Variants in SVEP1 observed in about 807,000 individuals in gnomAD.
SVEP1 encodes sushi, von Willebrand factor type A, EGF and pentraxin domain-containing protein 1.
In SVEP1, 164 loss-of-function variants were observed where a neutral mutation model predicts 367.3. That is an observed-to-expected ratio of 0.45 (90% CI 0.39 to 0.51). SVEP1 has a LOEUF of 0.51. SVEP1 is among the 20% of genes least tolerant of loss of function. SVEP1 has a pLI of 0.00. For missense variants in SVEP1, 4,117 were observed against 4,425.3 expected (o/e 0.93, Z 1.98); for synonymous variants, 1,666 against 1,611.6 (o/e 1.03, Z -0.81).
At chr9:110,432,151 G>A in intron 31 of SVEP1, 117 bp from the exon 32 acceptor site, 1 of 1,157,664 alleles carries the variant, frequency 8.6e-7, no homozygotes, top group Non-Finnish European at 1.2e-6. Context: ...TCATATATTT[G>A]TATAGAATTT....
chr9:110,418,854 T>A lies in SVEP1; in HGVS notation c.5976-7119A>T, dbSNP rs572932055. Among the ~76,000 whole-genome samples, 36 of 124,982 alleles carry A rather than the reference T, an allele frequency of 2.9e-4. 4 individuals carry two copies. The highest frequency in any genetic ancestry group is 6.9e-4 in the African/African-American group (24 of 34,848). 82.0% of individuals were successfully genotyped at this position (124,982 alleles called of 152,430 possible). On this transcript the variant is annotated intron_variant, in intron 36 of 47. Transcript: ENST00000374469. ...AGAATTTTCAACCCAGAATTTCGTA[T>A]CAGCCAAACTAAGCTTCATAAGTGA... is the stretch of plus-strand genomic sequence containing the variant.
chr9:110,377,721 G>A (rs1308586761), intron 44 of SVEP1, among the ~76,000 whole-genome samples: 4 of 151,726 alleles, frequency 2.6e-5, no homozygotes, highest in African/African-American at 9.7e-5. Context: ...TTTCTTTTTT[G>A]TGGTGAGAAC....
intron 9 of SVEP1, among the ~76,000 whole-genome samples, chr9:110,486,710 T>C (rs563814997): frequency 3.3e-5 from 5 of 150,048 alleles, no homozygotes; most frequent in African/African-American, 9.8e-5. Flanking sequence ...TGCAGTGGCA[T>C]GATCTTGGCT....
rs1224250600 is a variant in SVEP1 at position 110,443,626 on chromosome 9, C to T, written c.4558G>A (p.Ala1520Thr). The change falls in exon 27 of 48, where the codon GCC (alanine) becomes ACC (threonine). Residue 1520 changes from alanine to threonine, a missense_variant. Physicochemically the swap from Ala to Thr is moderately conservative, Grantham distance 58 (BLOSUM62 0). Coordinates refer to ENST00000374469, the MANE Select transcript of SVEP1 (RefSeq NM_153366.4). Reference sequence around the variant, plus strand: ...ATATAGACTTTCCAGATGCCATTGGCACTTGTCCAAGTGATTGCAATATGA... The same window carrying T: ...ATATAGACTTTCCAGATGCCATTGGTACTTGTCCAAGTGATTGCAATATGA... ...WHHIAITWTS[A>T]NGIWKVYIDG... 1 of 1,613,318 alleles carries T rather than the reference C, an allele frequency of 6.2e-7. No homozygotes were observed. The highest frequency in any genetic ancestry group is 1.7e-5 in the Admixed American group (1 of 59,894).
intron 15 of SVEP1, 118 bp from the exon 16 acceptor site, chr9:110,471,715 A>G (rs1829020617): frequency 2.8e-6 from 2 of 726,538 alleles, no homozygotes; most frequent in Non-Finnish European, 4.4e-6. Flanking sequence ...TAAGTGGTCT[A>G]TAGAAAAAAA....
rs1298275791 is a variant in SVEP1, at chr9:110,546,145, A to G, written c.934T>C (p.Tyr312His). Residue 312 changes from tyrosine (Y) to histidine (H), a missense_variant, in exon 3 of 48, where the codon TAC becomes CAC. Around this residue, in one of 4 missense-constraint regions of SVEP1, gnomAD observed 2,174 missense variants for 2,494.3 expected, o/e 0.87. Coordinates refer to ENST00000374469, the MANE Select transcript of SVEP1 (RefSeq NM_153366.4). The stretch of plus-strand genomic sequence containing the variant: ...CATTCATACTGCAGACCTTTCCCGT[A>G]ATACCCCTTTTCACAGATGCACTCA... Reference protein sequence around the residue: ...HFECICEKGYYGKGLQYECTA... With the variant: ...HFECICEKGYHGKGLQYECTA... 10 of 1,553,028 alleles carry G rather than the reference A, an allele frequency of 6.4e-6. No individual in the cohort carries two copies. The South Asian group carries it at 1.1e-4, about 17-fold the overall frequency.
intron 14 of SVEP1, among the ~76,000 whole-genome samples, chr9:110,472,691 T>G (rs752020019): frequency 2.6e-5 from 4 of 152,216 alleles, no homozygotes; most frequent in Non-Finnish European, 5.9e-5. Flanking sequence ...CAAGGCTTTC[T>G]CCAATCCTTT....
At chr9:110,481,216 A>T (rs1474593856) in intron 12 of SVEP1, 26 bp downstream of exon 12, 4 of 1,447,514 alleles carry the variant, frequency 2.8e-6, no homozygotes, top group Non-Finnish European at 2.8e-6. Context: ...CACATTAAAG[A>T]AGTCTAGAAT....
intron 1 of SVEP1, among the ~76,000 whole-genome samples, chr9:110,572,227 C>A (rs1223441250): frequency 6.6e-6 from 1 of 152,190 alleles, no homozygotes; most frequent in Non-Finnish European, 1.5e-5. Context: ...TTAAGAGAAA[C>A]CCTCTCTATG....
chr9:110,481,414 G>A lies in SVEP1; in HGVS notation c.2193C>T (p.Phe731=). 12 of 1,591,378 alleles carry A rather than the reference G, an allele frequency of 7.5e-6. No individual in the cohort carries two copies. Among genetic ancestry groups the A allele is most frequent in the Non-Finnish European group, 1.0e-5 (12 of 1,168,002 alleles). The change falls in exon 12 of 48, where the codon TTC becomes TTT. Residue 731 remains phenylalanine, a synonymous_variant. Transcript: ENST00000374469. ...VIKGSPCEIP[F]TPVNGDFICT... ...ATATAAAATCCCCATTTACAGGTGT[G>A]AATGGAATTTCACAGGGAGAACCTG...
At chr9:110,448,146 T>TGC (rs1197470613) in intron 24 of SVEP1, among the ~76,000 whole-genome samples, 44 of 62,454 alleles carry the variant, frequency 7.0e-4, no homozygotes, top group African/African-American at 2.4e-3. Flanking sequence ...TGTGTGTGTG[T>TGC]GTGCGCGTGT....
At position 110,387,234 on chromosome 9, in the gene SVEP1, C is replaced by T. The variant is rs1283305014; in HGVS notation, c.10060+51G>A. The stretch of plus-strand genomic sequence containing the variant: ...CTCTATGTTTTGGATATGCGGGAAG[C>T]TAATCGTGAAACTGAATCTGATTAA... On this transcript the variant is annotated intron_variant, in intron 42 of 47. Coordinates refer to ENST00000374469, the MANE Select transcript of SVEP1 (RefSeq NM_153366.4). 4 of 1,509,378 alleles carry T rather than the reference C, an allele frequency of 2.7e-6. No homozygotes were observed. The Admixed American group carries it at 9.5e-5, about 36-fold the overall frequency. 93.5% of individuals were successfully genotyped at this position (1,509,378 alleles called of 1,614,324 possible). A position where few individuals can be genotyped will look rare whatever the true frequency, so the allele number is the denominator to read the frequency against.
chr9:110,403,454 G>A (rs146145703), intron 39 of SVEP1, among the ~76,000 whole-genome samples: 22 of 151,624 alleles, frequency 1.5e-4, no homozygotes, highest in African/African-American at 4.6e-4. Flanking sequence ...ATAGGCATGC[G>A]CCACTATGCC....
intron 1 of SVEP1, among the ~76,000 whole-genome samples, chr9:110,558,725 A>G (rs1830386546): frequency 6.6e-6 from 1 of 152,124 alleles, no homozygotes; most frequent in Non-Finnish European, 1.5e-5. Context: ...TCATAGTGAG[A>G]TAAAAATGCC....
intron 16 of SVEP1, among the ~76,000 whole-genome samples, chr9:110,470,144 G>C (rs1828993265): frequency 6.6e-6 from 1 of 152,072 alleles, no homozygotes; most frequent in Non-Finnish European, 1.5e-5. Context: ...GGCTGGAATT[G>C]ACCCAGATCA....
chr9:110,550,709 C>T (rs966561622), intron 1 of SVEP1, among the ~76,000 whole-genome samples: 13 of 152,150 alleles, frequency 8.5e-5, no homozygotes, highest in Non-Finnish European at 1.3e-4. Flanking sequence ...TTGGACCACC[C>T]GGTACTAGCA....
rs1431311879 is a variant in SVEP1, at chr9:110,528,164, A to G, written c.965-14058T>C. Among the ~76,000 whole-genome samples the G allele has an allele frequency of 4.3e-4, 48 of 110,764 alleles. 1 individual carries two copies. The highest frequency in any genetic ancestry group is 7.8e-4 in the South Asian group (3 of 3,858). The allele number at this position is 110,764 out of a possible 152,430, so 72.7% of individuals were successfully genotyped here. A position where few individuals can be genotyped will look rare whatever the true frequency, so the allele number is the denominator to read the frequency against. ...TGTGTGTGTGTGTGTGTGTATATAT[A>G]TATATATATATATATATATATATGC... On this transcript the variant is annotated intron_variant, in intron 3 of 47. Coordinates refer to ENST00000374469, the MANE Select transcript of SVEP1 (RefSeq NM_153366.4).
intron 47 of SVEP1, among the ~76,000 whole-genome samples, chr9:110,367,503 G>GA (rs971146968): frequency 6.6e-6 from 1 of 152,152 alleles, no homozygotes; most frequent in Non-Finnish European, 1.5e-5. Context: ...TCTCGTAGGA[G>GA]AGAAGGAAAA....
chr9:110,415,322 G>A (rs1237611339), intron 36 of SVEP1, among the ~76,000 whole-genome samples: 2 of 151,994 alleles, frequency 1.3e-5, no homozygotes, highest in East Asian at 1.9e-4. Context: ...AGGAAAACTC[G>A]GTGAGACAGA....
Sources: allele counts gnomAD v4.1 joint callset (sites outside exome capture counted in the v4.1 genomes callset), GRCh38; gene constraint gnomAD v4.1.1; regional missense constraint gnomAD v4.1.1; transcripts MANE v1.5; gene names NCBI Gene and HGNC (gene_info 2026-07-23, HGNC 2026-07-21).